STPG2: variants seen among roughly 807,000 people sequenced by gnomAD.
The protein encoded by STPG2 is sperm tail PG-rich repeat containing 2.
STPG2 carries 56 observed loss-of-function variants against 54.2 expected under a neutral mutation model. The observed-to-expected ratio is 1.03, with a 90% confidence interval of 0.83 to 1.29. The LOEUF (loss-of-function observed/expected upper bound fraction) is 1.29. Ranked by LOEUF, STPG2 falls within the 50% of genes most tolerant of loss-of-function variation. The pLI is 0.00. For synonymous variants in STPG2, 200 were observed against 181.8 expected (o/e 1.10, Z -0.81); for missense variants, 596 against 544.9 (o/e 1.09, Z -0.93).
chr4:97,738,505 G>GGATGGAGAAA (rs1322627416), intron 9 of STPG2, among the ~76,000 whole-genome samples: 2 of 152,098 alleles, frequency 1.3e-5, no homozygotes, highest in Admixed American at 6.6e-5. Flanking sequence ...CAAAATAAAA[G>GGATGGAGAAA]GATGGAGAAA....
At chr4:97,649,540 G>A (rs1472354467) in intron 10 of STPG2, among the ~76,000 whole-genome samples, 1 of 152,184 alleles carries the variant, frequency 6.6e-6, no homozygotes, top group Non-Finnish European at 1.5e-5. Context: ...AGTAGAAGCT[G>A]AAAACAGCAG....
rs1427230093 is a variant in STPG2 at position 97,567,448 on chromosome 4, G to GTA, written c.1321-8333_1321-8332dup. ...TATATATATAATTTTATATATATAT[G>GTA]TATATATATATATTCCCTTTCTCCC... is the stretch of plus-strand genomic sequence containing the variant. On this transcript the variant is annotated intron_variant, in intron 10 of 10. Coordinates refer to ENST00000295268, the MANE Select transcript of STPG2 (RefSeq NM_174952.3). Among the ~76,000 whole-genome samples, 987 of 148,088 alleles carry GTA rather than the reference G, an allele frequency of 6.7e-3. 9 individuals are homozygous for GTA. Among genetic ancestry groups the GTA allele is most frequent in the African/African-American group, 0.019 (754 of 40,586 alleles).
chr4:97,763,938 A>T (rs1288886266), intron 9 of STPG2, among the ~76,000 whole-genome samples: 1 of 152,070 alleles, frequency 6.6e-6, no homozygotes, highest in Non-Finnish European at 1.5e-5. Context: ...CAAGGCCTAC[A>T]AAATTTGACC....
intron 9 of STPG2, among the ~76,000 whole-genome samples, chr4:97,805,611 G>T (rs868149371): frequency 2.0e-5 from 3 of 152,114 alleles, no homozygotes; most frequent in Non-Finnish European, 4.4e-5. Context: ...TTAAGAATGG[G>T]GTTATTCCTT....
In STPG2 at chr4:97,981,232, T is replaced by C; in HGVS notation, c.699A>G (p.Ser233=). ...GACCAAATGGAATATTTTTCAGTCC[T>C]GATGTTTTCTTCAAAGACTTGAGAG... ...RTALKSLKKT[S]GLKNIPFGQS... Residue 233 remains serine (S), a synonymous_variant, in exon 6 of 11, where the codon TCA becomes TCG. Transcript: ENST00000295268. The C allele has an allele frequency of 6.2e-7, 1 of 1,614,060 alleles. No homozygotes were observed. Among genetic ancestry groups the C allele is most frequent in the Non-Finnish European group, 8.5e-7 (1 of 1,179,956 alleles).
chr4:97,550,210 C>T (rs1292318923), intron 4 of STPG2, among the ~76,000 whole-genome samples: 2 of 151,914 alleles, frequency 1.3e-5, no homozygotes. Flanking sequence ...TGAAGTGCTC[C>T]TCACTACTAA....
chr4:98,011,130 G>T (rs1237609679), intron 5 of STPG2, among the ~76,000 whole-genome samples: 2 of 151,994 alleles, frequency 1.3e-5, no homozygotes, highest in Admixed American at 6.6e-5. Flanking sequence ...CCCCAGACAG[G>T]CCCCAGTGTG....
chr4:97,606,256 C>T (rs1733589533), intron 10 of STPG2, among the ~76,000 whole-genome samples: 1 of 151,780 alleles, frequency 6.6e-6, no homozygotes. Flanking sequence ...TAAATAAAGA[C>T]TCTGTTAAAT....
chr4:97,565,941 G>A (rs1204023395), intron 10 of STPG2, among the ~76,000 whole-genome samples: 1 of 152,136 alleles, frequency 6.6e-6, no homozygotes, highest in Non-Finnish European at 1.5e-5. Flanking sequence ...GCTGCATGCT[G>A]GGAGAACCAC....
chr4:97,664,481 C>A (rs1463112315), intron 10 of STPG2, among the ~76,000 whole-genome samples: 1 of 152,162 alleles, frequency 6.6e-6, no homozygotes, highest in Non-Finnish European at 1.5e-5. Context: ...CTCCAGAGTT[C>A]TTTCTCTATT....
intron 5 of STPG2, among the ~76,000 whole-genome samples, chr4:98,036,546 T>A (rs541730030): frequency 6.6e-6 from 1 of 151,888 alleles, no homozygotes; most frequent in South Asian, 2.1e-4. Flanking sequence ...CTCAGCAAAC[T>A]AACACAAGAA....
chr4:97,605,143 T>C (rs1215013116), intron 10 of STPG2, among the ~76,000 whole-genome samples: 1 of 151,752 alleles, frequency 6.6e-6, no homozygotes, highest in African/African-American at 2.4e-5. Context: ...CTTTTCTTTC[T>C]TGATAAAAAG....
intron 5 of STPG2, among the ~76,000 whole-genome samples, chr4:98,062,082 G>A (rs1392556016): frequency 6.6e-6 from 1 of 152,154 alleles, no homozygotes; most frequent in East Asian, 1.9e-4. Flanking sequence ...TAAAGAAAAT[G>A]TGGTACATAT....
At chr4:97,637,051 T>C (rs961969325) in intron 10 of STPG2, among the ~76,000 whole-genome samples, 1 of 152,154 alleles carries the variant, frequency 6.6e-6, no homozygotes, top group African/African-American at 2.4e-5. Flanking sequence ...AAAGAGAATT[T>C]TAGAACAATA....
intron 9 of STPG2, among the ~76,000 whole-genome samples, chr4:97,767,349 C>T (rs1055079007): frequency 2.0e-5 from 3 of 152,082 alleles, no homozygotes; most frequent in African/African-American, 7.2e-5. Context: ...CCCATCCTTG[C>T]TAATTTTTTA....
intron 4 of STPG2, among the ~76,000 whole-genome samples, chr4:97,476,893 C>A (rs1411695191): frequency 2.6e-5 from 4 of 152,174 alleles, no homozygotes; most frequent in Non-Finnish European, 5.9e-5. Flanking sequence ...ATTTACTGAT[C>A]ATGAGTAGAC....
intron 5 of STPG2, among the ~76,000 whole-genome samples, chr4:98,061,689 G>A (rs1369322442): frequency 1.3e-5 from 2 of 152,008 alleles, no homozygotes; most frequent in African/African-American, 4.8e-5. Flanking sequence ...ACAATCAAAT[G>A]AAAAAAGCTC....
intron 4 of STPG2, among the ~76,000 whole-genome samples, chr4:97,443,521 A>T (rs1387860364): frequency 6.6e-6 from 1 of 152,148 alleles, no homozygotes; most frequent in Non-Finnish European, 1.5e-5. Flanking sequence ...ATGGAAGAAG[A>T]AAAGATTGGA....
chr4:97,876,433 G>C (rs530417816), intron 8 of STPG2, among the ~76,000 whole-genome samples: 8 of 152,050 alleles, frequency 5.3e-5, no homozygotes, highest in African/African-American at 1.9e-4. Context: ...TGTCTTAAAA[G>C]CATATTTATA....
Sources: allele counts gnomAD v4.1 joint callset (sites outside exome capture counted in the v4.1 genomes callset), GRCh38; gene constraint gnomAD v4.1.1; transcripts MANE v1.5; gene names NCBI Gene and HGNC (gene_info 2026-07-23, HGNC 2026-07-21).